MS4A4E: variants seen among roughly 807,000 people sequenced by gnomAD.
MS4A4E encodes the protein membrane spanning 4-domains A4E.
A neutral mutation model predicts 13.3 loss-of-function variants in MS4A4E; 23 were observed. That is an observed-to-expected ratio of 1.73 (90% CI 1.25 to 2.45). The LOEUF (loss-of-function observed/expected upper bound fraction) is 2.45. Ranked by LOEUF, MS4A4E falls within the 30% of genes most tolerant of loss-of-function variation. The pLI, the probability that MS4A4E is intolerant of heterozygous loss-of-function variation, is 0.00. For missense variants in MS4A4E, 144 were observed against 131.2 expected (o/e 1.10, Z -0.48); for synonymous variants, 36 against 45.6 (o/e 0.79, Z 0.85).
At chr11:60,236,414 A>G (rs907754173) in intron 1 of MS4A4E, among the ~76,000 whole-genome samples, 7 of 152,160 alleles carry the variant, frequency 4.6e-5, no homozygotes, top group Non-Finnish European at 7.3e-5. Context: ...TACCAATATT[A>G]AGCCTTCCAG....
intron 3 of MS4A4E, chr11:60,225,009 G>A: frequency 1.3e-6 from 2 of 1,544,304 alleles, no homozygotes; most frequent in Non-Finnish European, 8.7e-7. Context: ...ACAAAAATGG[G>A]ATGTTCTTCA....
intron 6 of MS4A4E, among the ~76,000 whole-genome samples, chr11:60,206,512 T>TGTATATATATATGTGTATATATATATAC (rs1554983301): frequency 2.0e-5 from 2 of 98,334 alleles, no homozygotes; most frequent in African/African-American, 9.7e-5. Context: ...TATATATATA[T>TGTATATATATATGTGTATATATATATAC]ACACACACAC....
rs572757389 is a variant in MS4A4E, at chr11:60,229,899, G to A, written c.144+13C>T. 1.3e-6 allele frequency: 2 copies of A among 1,587,720 alleles called. No individual in the cohort carries two copies. The highest frequency in any genetic ancestry group is 2.3e-5 in the East Asian group (1 of 43,966). On this transcript the variant is annotated intron_variant, in intron 2 of 8. Coordinates refer to ENST00000651255, the MANE Select transcript of MS4A4E (RefSeq NM_001393391.1). ...ACACTATTGGTCTTCTCCCAGATTT[G>A]CAATTGACTTACCCCAAGGACTTTG...
At chr11:60,239,918 C>T (rs1241077805) in intron 1 of MS4A4E, among the ~76,000 whole-genome samples, 2 of 152,224 alleles carry the variant, frequency 1.3e-5, no homozygotes, top group Non-Finnish European at 2.9e-5. Flanking sequence ...TTGTCCCCCT[C>T]TGGGGTTAAT....
intron 1 of MS4A4E, among the ~76,000 whole-genome samples, chr11:60,236,733 GTT>G (rs765364790): frequency 1.4e-5 from 2 of 142,774 alleles, no homozygotes; most frequent in Non-Finnish European, 1.5e-5. Flanking sequence ...TATCATCCAG[GTT>G]TTTTTTTTTT....
rs574522452 is a variant in MS4A4E, at chr11:60,228,596, G to T, written c.176C>A (p.Ser59Ter). ...TACAATATAGTAATCATACTTACCC[G>T]AATGAGTTGAAAACTTATGTCCACA... Reference protein sequence around the residue: ...VLCGHKFSTHSVSLSVAAGIR... With the variant: ...VLCGHKFSTH Residue 59 changes from serine to a stop codon, truncating the protein, a stop_gained and splice_region_variant, in exon 3 of 9, where the codon TCG (serine) becomes TAG (stop). Transcript: ENST00000651255. LOFTEE classifies it high-confidence loss of function. 1.4e-6 allele frequency: 1 copy of T among 697,828 alleles called. No individual in the cohort carries two copies. The highest frequency in any genetic ancestry group is 2.0e-5 in the Admixed American group (1 of 49,428). The allele number at this position is 697,828 out of a possible 1,614,324, so 43.2% of individuals were successfully genotyped here.
At chr11:60,227,393 T>C (rs1308603952) in intron 3 of MS4A4E, among the ~76,000 whole-genome samples, 1 of 151,920 alleles carries the variant, frequency 6.6e-6, no homozygotes, top group East Asian at 1.9e-4. Flanking sequence ...CTACTAAAAA[T>C]ACAAAAAGTT....
intron 3 of MS4A4E, among the ~76,000 whole-genome samples, chr11:60,221,093 G>A (rs1245325329): frequency 1.3e-5 from 2 of 152,190 alleles, no homozygotes; most frequent in East Asian, 1.9e-4. Flanking sequence ...GATTTTGGAG[G>A]AAGGCCCTGC....
At chr11:60,225,931 G>A (rs1437083436) in intron 3 of MS4A4E, among the ~76,000 whole-genome samples, 2 of 151,616 alleles carry the variant, frequency 1.3e-5, no homozygotes, top group African/African-American at 4.8e-5. Context: ...CTAAGAGAAA[G>A]AGAGAGAGGA....
intron 3 of MS4A4E, among the ~76,000 whole-genome samples, chr11:60,223,957 T>G (rs2084309304): frequency 6.6e-6 from 1 of 152,132 alleles, no homozygotes; most frequent in African/African-American, 2.4e-5. Flanking sequence ...TAATACACTC[T>G]CCTTCAAATC....
intron 1 of MS4A4E, among the ~76,000 whole-genome samples, chr11:60,234,518 C>G (rs1565129175): frequency 1.3e-5 from 2 of 152,052 alleles, no homozygotes; most frequent in Non-Finnish European, 2.9e-5. Context: ...GGAGTGGACT[C>G]CTGATAAAGA....
At chr11:60,205,105 C>T (rs537479317) in intron 7 of MS4A4E, among the ~76,000 whole-genome samples, 147 bp from the exon 8 acceptor site, 49 of 152,086 alleles carry the variant, frequency 3.2e-4, no homozygotes, top group South Asian at 1.0e-3. Context: ...ATATGAATGT[C>T]CATGCAAATT....
intron 5 of MS4A4E, among the ~76,000 whole-genome samples, chr11:60,210,981 A>G (rs1215625228): frequency 6.6e-6 from 1 of 152,262 alleles, no homozygotes; most frequent in Non-Finnish European, 1.5e-5. Context: ...ACAGCAGAGC[A>G]TTAGACCAAG....
intron 1 of MS4A4E, 56 bp from the exon 2 acceptor site, chr11:60,230,127 T>C: frequency 1.3e-6 from 2 of 1,510,390 alleles, no homozygotes; most frequent in African/African-American, 2.8e-5. Flanking sequence ...AAGAAAGTCT[T>C]GACACTTTGG....
chr11:60,215,730 G>A (rs2134934502), intron 3 of MS4A4E, among the ~76,000 whole-genome samples: 1 of 152,002 alleles, frequency 6.6e-6, no homozygotes, highest in South Asian at 2.1e-4. Context: ...AAGAAAAATA[G>A]TTGAAACAAA....
intron 2 of MS4A4E, 24 bp from the exon 3 acceptor site, chr11:60,228,651 C>T (rs774366123): frequency 6.5e-5 from 45 of 694,422 alleles, no homozygotes; most frequent in African/African-American, 5.4e-4. Context: ...TTTATAGCAA[C>T]GTTACTCCTA....
intron 3 of MS4A4E, among the ~76,000 whole-genome samples, chr11:60,215,636 C>T (rs2084183002): frequency 6.6e-6 from 1 of 151,494 alleles, no homozygotes; most frequent in African/African-American, 2.4e-5. Context: ...AAAAGTAGGA[C>T]CATCTTATTA....
At position 60,200,695 on chromosome 11, in the gene MS4A4E, C is replaced by T. The variant is rs1227246185; in HGVS notation, c.*848G>A. Among the ~76,000 whole-genome samples the T allele has an allele frequency of 3.3e-5, 5 of 152,340 alleles. No individual in the cohort carries two copies. The highest frequency in any genetic ancestry group is 1.9e-4 in the East Asian group (1 of 5,182). On this transcript the variant is annotated 3_prime_UTR_variant, in exon 9 of 9. Coordinates refer to ENST00000651255, the MANE Select transcript of MS4A4E (RefSeq NM_001393391.1). ...AAAGTCTCCCATGTCTACTTCTTTC[C>T]ACACAGACAAGGCAACCATCCGATT...
rs753214959 is a variant in MS4A4E at position 60,229,942 on chromosome 11, C to T, written c.114G>A (p.Lys38=). 1.9e-6 allele frequency: 3 copies of T among 1,611,822 alleles called. No individual in the cohort carries two copies. Among genetic ancestry groups the T allele is most frequent in the Admixed American group, 3.4e-5 (2 of 59,592 alleles). ...HSYLCKGLQE[K]FFKRKPKVLG... ...GGACTTTGGGTTTCCTCTTGAAGAA[C>T]TTCTCTTGCAATCCTTTACACAGAT... is the stretch of plus-strand genomic sequence containing the variant. Residue 38 remains lysine, a synonymous_variant, in exon 2 of 9, where the codon AAG becomes AAA. Coordinates refer to ENST00000651255, the MANE Select transcript of MS4A4E (RefSeq NM_001393391.1).
Sources: allele counts gnomAD v4.1 joint callset (sites outside exome capture counted in the v4.1 genomes callset), GRCh38; gene constraint gnomAD v4.1.1; transcripts MANE v1.5; gene names NCBI Gene and HGNC (gene_info 2026-07-23, HGNC 2026-07-21).